The following CDH18 variants were observed in gnomAD, a reference collection of about 807,000 sequenced individuals.
CDH18 encodes the protein cadherin 18, also known as cadherin-18.
CDH18 carries 31 observed loss-of-function variants against 67.9 expected under a neutral mutation model. The ratio of observed to expected loss-of-function variants is 0.46; its 90% CI spans 0.34 to 0.62. The LOEUF (loss-of-function observed/expected upper bound fraction) is 0.62. CDH18 is among the 20% of genes least tolerant of loss of function. CDH18 has a pLI of 0.01. For missense variants in CDH18, 890 were observed against 975.5 expected (o/e 0.91, Z 1.17); for synonymous variants, 362 against 347.2 (o/e 1.04, Z -0.48).
intron 3 of CDH18, among the ~76,000 whole-genome samples, chr5:19,820,741 A>G (rs774757946): frequency 6.6e-6 from 1 of 152,142 alleles, no homozygotes; most frequent in African/African-American, 2.4e-5. Context: ...CATCTACTGG[A>G]TCTCACCCTG....
chr5:20,026,790 C>T (rs1738938827), intron 2 of CDH18, among the ~76,000 whole-genome samples: 1 of 151,950 alleles, frequency 6.6e-6, no homozygotes, highest in African/African-American at 2.4e-5. Context: ...ATCCCTGTCT[C>T]TACTAAAAAT....
chr5:19,566,012 C>G (rs1740321021), intron 8 of CDH18, among the ~76,000 whole-genome samples: 1 of 150,000 alleles, frequency 6.7e-6, no homozygotes, highest in Non-Finnish European at 1.5e-5. Flanking sequence ...GAAGCTCAAA[C>G]AAATCTATAG....
intron 1 of CDH18, among the ~76,000 whole-genome samples, chr5:20,547,229 G>A (rs1476207753): frequency 6.6e-6 from 1 of 152,068 alleles, no homozygotes; most frequent in Non-Finnish European, 1.5e-5. Flanking sequence ...AAGCAATATA[G>A]GCTAGAATGT....
At chr5:19,793,759 T>TAA (rs1328424383) in intron 3 of CDH18, among the ~76,000 whole-genome samples, 1 of 151,952 alleles carries the variant, frequency 6.6e-6, no homozygotes, top group Non-Finnish European at 1.5e-5. Context: ...TCCTGAAAGG[T>TAA]AAGAGAGGAT....
intron 1 of CDH18, among the ~76,000 whole-genome samples, chr5:20,404,015 C>A (rs1746011121): frequency 6.6e-6 from 1 of 152,248 alleles, no homozygotes; most frequent in Admixed American, 6.5e-5. Context: ...TCAGCACTTG[C>A]TGCTTCACTT....
intron 1 of CDH18, among the ~76,000 whole-genome samples, chr5:20,496,979 A>C (rs1187014342): frequency 6.6e-6 from 1 of 152,092 alleles, no homozygotes; most frequent in Non-Finnish European, 1.5e-5. Flanking sequence ...GTGGGGCAAA[A>C]TTGTTCAGTG....
At chr5:20,234,405 T>G (rs1742318366) in intron 2 of CDH18, among the ~76,000 whole-genome samples, 1 of 152,162 alleles carries the variant, frequency 6.6e-6, no homozygotes, top group Admixed American at 6.6e-5. Flanking sequence ...GATGCATTTT[T>G]TATAATTTCT....
intron 1 of CDH18, among the ~76,000 whole-genome samples, chr5:20,471,935 A>ATTGCACCC: frequency 7.1e-3 from 2 of 282 alleles, no homozygotes; most frequent in Non-Finnish European, 0.011. Flanking sequence ...TATCTCAGGC[A>ATTGCACCC]ATACTCCTGG....
intron 2 of CDH18, among the ~76,000 whole-genome samples, chr5:20,068,892 A>T (rs1743202264): frequency 6.6e-6 from 1 of 152,170 alleles, no homozygotes; most frequent in Non-Finnish European, 1.5e-5. Context: ...CTTGGTCATA[A>T]ACATGATAAT....
chr5:19,599,640 C>T (rs914617028), intron 6 of CDH18, among the ~76,000 whole-genome samples: 3 of 152,104 alleles, frequency 2.0e-5, no homozygotes, highest in Non-Finnish European at 2.9e-5. Flanking sequence ...TGGTGGCTCA[C>T]GCCTATAATC....
At chr5:19,801,842 T>C (rs992216449) in intron 3 of CDH18, among the ~76,000 whole-genome samples, 3 of 151,982 alleles carry the variant, frequency 2.0e-5, no homozygotes, top group African/African-American at 7.3e-5. Flanking sequence ...TATTGACAGT[T>C]CCCCCCCAAC....
At chr5:19,665,738 A>C (rs1181233533) in intron 5 of CDH18, among the ~76,000 whole-genome samples, 1 of 152,164 alleles carries the variant, frequency 6.6e-6, no homozygotes, top group Non-Finnish European at 1.5e-5. Context: ...TGGGTAAGAG[A>C]AGTGTGAGGA....
intron 1 of CDH18, among the ~76,000 whole-genome samples, chr5:20,419,535 G>T (rs1286484969): frequency 7.6e-6 from 1 of 131,934 alleles, no homozygotes; most frequent in Non-Finnish European, 1.6e-5. Context: ...GAGTGCAGTG[G>T]CAAGATCTCG....
Position 19,777,620 on chromosome 5 carries a change from G to T in CDH18, c.229-30384C>A, listed in dbSNP as rs1191588503. Among the ~76,000 whole-genome samples the T allele has an allele frequency of 1.8e-4, 27 of 152,170 alleles. 1 individual carries two copies. Among genetic ancestry groups the T allele is most frequent in the Non-Finnish European group, 1.5e-5 (1 of 68,028 alleles). On this transcript the variant is annotated intron_variant, in intron 3 of 12. Transcript: ENST00000382275. ...CTTGCAGATGAATTAGAACAAACTA[G>T]CCTTGAGATGAAAGTTCCGTTCATC...
At chr5:20,359,921 A>G (rs1381411513) in intron 1 of CDH18, among the ~76,000 whole-genome samples, 8 of 151,818 alleles carry the variant, frequency 5.3e-5, no homozygotes, top group African/African-American at 1.4e-4. Context: ...GGTGAATATT[A>G]TAGAAATAGT....
intron 2 of CDH18, among the ~76,000 whole-genome samples, chr5:19,964,647 CAAA>C (rs10719096): frequency 2.6e-5 from 2 of 77,236 alleles, no homozygotes; most frequent in Admixed American, 1.6e-4. Context: ...GGCCCTGTAT[CAAA>C]AAAAAAAAAA....
intron 3 of CDH18, among the ~76,000 whole-genome samples, chr5:19,797,716 T>C (rs570596433): frequency 6.6e-6 from 1 of 152,142 alleles, no homozygotes; most frequent in East Asian, 1.9e-4. Context: ...ATTACATTTA[T>C]TAACTGGGAG....
intron 3 of CDH18, among the ~76,000 whole-genome samples, chr5:19,786,534 C>A (rs1345101117): frequency 6.6e-6 from 1 of 152,134 alleles, no homozygotes; most frequent in Non-Finnish European, 1.5e-5. Flanking sequence ...TGATCTATAT[C>A]TTCAATCAGC....
At chr5:20,028,106 T>TC (rs1739073787) in intron 2 of CDH18, among the ~76,000 whole-genome samples, 1 of 151,900 alleles carries the variant, frequency 6.6e-6, no homozygotes, top group Admixed American at 6.6e-5. Flanking sequence ...ACTTTCTATT[T>TC]TTTTTTTTTG....
Sources: allele counts gnomAD v4.1 joint callset (sites outside exome capture counted in the v4.1 genomes callset), GRCh38; gene constraint gnomAD v4.1.1; transcripts MANE v1.5; gene names NCBI Gene and HGNC (gene_info 2026-07-23, HGNC 2026-07-21).